The following FBXO34 variants were observed in gnomAD, a reference collection of about 807,000 sequenced individuals.
The protein encoded by FBXO34 is F-box only protein 34.
In FBXO34, 12 loss-of-function variants were observed where a neutral mutation model predicts 24.5. The ratio of observed to expected loss-of-function variants is 0.49; its 90% CI spans 0.31 to 0.79. The LOEUF (loss-of-function observed/expected upper bound fraction) is 0.79, where lower values mean the gene tolerates loss of function less well. Ranked by LOEUF, FBXO34 falls within the 30% of genes least tolerant of loss-of-function variation. The pLI, the probability that FBXO34 is intolerant of heterozygous loss-of-function variation, is 0.04. For missense variants in FBXO34, 823 were observed against 857.7 expected (o/e 0.96, Z 0.51); for synonymous variants, 320 against 311.9 (o/e 1.03, Z -0.27).
In FBXO34 at chr14:55,352,721, G is replaced by A; in HGVS notation, c.*195G>A. On this transcript the variant is annotated 3_prime_UTR_variant, in exon 2 of 2. Transcript: ENST00000313833. ...AAAATTGGTCTTGTTGTTTATAGTG[G>A]CATCTCATGTTTGAACCCGGGTGGT... 1.8e-6 allele frequency: 1 copy of A among 547,980 alleles called. No homozygotes were observed. The highest frequency in any genetic ancestry group is 3.2e-6 in the Non-Finnish European group (1 of 312,110). 33.9% of individuals were successfully genotyped at this position (547,980 alleles called of 1,614,324 possible).
chr14:55,346,954 C>A (rs1276138477), intron 1 of FBXO34, among the ~76,000 whole-genome samples: 1 of 152,168 alleles, frequency 6.6e-6, no homozygotes, highest in Non-Finnish European at 1.5e-5. Flanking sequence ...CCTACTCTTA[C>A]ATTAGATCTA....
At chr14:55,375,288 T>C in the FBXO34 span, among the ~76,000 whole-genome samples, 1 of 152,168 alleles carries the variant, frequency 6.6e-6, no homozygotes, top group Non-Finnish European at 1.5e-5. Context: ...TCCAAACTGG[T>C]TGTTGTTGGC....
intron 1 of FBXO34, among the ~76,000 whole-genome samples, chr14:55,333,722 C>T (rs200232765): frequency 2.1e-5 from 3 of 145,340 alleles, no homozygotes; most frequent in Non-Finnish European, 1.5e-5. Flanking sequence ...GCTGGGGTGG[C>T]TTTTTTTTTT....
intron 1 of FBXO34, among the ~76,000 whole-genome samples, chr14:55,310,865 GT>G (rs1882713534): frequency 6.6e-6 from 1 of 151,704 alleles, no homozygotes; most frequent in African/African-American, 2.4e-5. Context: ...ATGTGATAGC[GT>G]TTTCTTATCT....
At chr14:55,343,273 C>T (rs972831489) in intron 1 of FBXO34, among the ~76,000 whole-genome samples, 1 of 138,086 alleles carries the variant, frequency 7.2e-6, no homozygotes, top group Non-Finnish European at 1.5e-5. Flanking sequence ...TCTCCCAAGA[C>T]GGAGTCTTGC....
At chr14:55,369,353 C>A (rs570600886), downstream of FBXO34, 1 of 280,476 alleles carries the variant, frequency 3.6e-6, no homozygotes, top group Non-Finnish European at 6.6e-6. Flanking sequence ...ACTGGCCACA[C>A]GCACAGGTCC....
chr14:55,412,849 T>G, the FBXO34 span, among the ~76,000 whole-genome samples: 1 of 152,150 alleles, frequency 6.6e-6, no homozygotes, highest in Non-Finnish European at 1.5e-5. Context: ...GACTTCTGCC[T>G]CCCTACAAAC....
chr14:55,280,367 C>T lies in FBXO34; in HGVS notation c.-11+8830C>T, dbSNP rs180936365. ...GAAAAAAAATTACATCTGTATTGAA[C>T]GTGTACAGATTATTTTTTTCTTGTC... On this transcript the variant is annotated intron_variant, in intron 1 of 1. Transcript: ENST00000313833. 3.3e-5 allele frequency among the ~76,000 whole-genome samples: 5 copies of T among 152,088 alleles called. No homozygotes were observed. In the East Asian group the frequency reaches 7.7e-4, roughly 23 times the overall value.
chr14:55,399,222 T>G, the FBXO34 span, among the ~76,000 whole-genome samples: 9 of 152,150 alleles, frequency 5.9e-5, no homozygotes, highest in African/African-American at 2.2e-4. Context: ...ATAGGCAATA[T>G]TATATGTGAC....
intron 1 of FBXO34, among the ~76,000 whole-genome samples, chr14:55,304,575 AT>A (rs1566547718): frequency 6.6e-6 from 1 of 152,188 alleles, no homozygotes; most frequent in Non-Finnish European, 1.5e-5. Flanking sequence ...ATCTTAGCTC[AT>A]TGTAAGGTCA....
chr14:55,430,808 C>T, the FBXO34 span, among the ~76,000 whole-genome samples: 1 of 152,240 alleles, frequency 6.6e-6, no homozygotes, highest in Non-Finnish European at 1.5e-5. Context: ...GCCATGTCCC[C>T]AGGTTAGCAG....
the FBXO34 span, chr14:55,440,393 C>G: frequency 3.1e-6 from 5 of 1,613,046 alleles, no homozygotes; most frequent in South Asian, 1.1e-5. Context: ...GCGGCAGCCT[C>G]ACCTGAGCGG....
At chr14:55,323,369 C>T (rs1409394386) in intron 1 of FBXO34, among the ~76,000 whole-genome samples, 1 of 137,246 alleles carries the variant, frequency 7.3e-6, no homozygotes, top group African/African-American at 2.7e-5. Context: ...CTGACCTGGC[C>T]CCCCTTTAAA....
chr14:55,333,805 G>A (rs985105890), intron 1 of FBXO34, among the ~76,000 whole-genome samples: 3 of 151,412 alleles, frequency 2.0e-5, no homozygotes, highest in Admixed American at 2.0e-4. Flanking sequence ...AGACTTTATA[G>A]TGTTTCTTGT....
rs200464802 is a variant in FBXO34 at position 55,311,680 on chromosome 14, TG to T, written c.-10-38700del. On this transcript the variant is annotated intron_variant, in intron 1 of 1. Coordinates refer to ENST00000313833, the MANE Select transcript of FBXO34 (RefSeq NM_017943.4). The stretch of plus-strand genomic sequence containing the variant: ...CCAAACAAAGGGCCTGCAGGTCCCA[TG>T]TAAGTCCAAAATCTGGCTGGGCAGT... Among the ~76,000 whole-genome samples the T allele has an allele frequency of 7.3e-3, 1,110 of 152,266 alleles. 4 individuals are homozygous for T. Among genetic ancestry groups the T allele is most frequent in the Non-Finnish European group, 0.011 (739 of 68,014 alleles).
chr14:55,400,996 G>T, the FBXO34 span, among the ~76,000 whole-genome samples: 2 of 151,694 alleles, frequency 1.3e-5, no homozygotes, highest in Non-Finnish European at 2.9e-5. Flanking sequence ...GCAAAATTGT[G>T]GGCAATCCTC....
At chr14:55,342,941 ATCTAAT>A (rs1434861337) in intron 1 of FBXO34, among the ~76,000 whole-genome samples, 1 of 152,202 alleles carries the variant, frequency 6.6e-6, no homozygotes, top group African/African-American at 2.4e-5. Context: ...TGTATTTCCT[ATCTAAT>A]TCTAATCTTA....
At chr14:55,386,125 T>C in the FBXO34 span, 6 of 1,571,658 alleles carry the variant, frequency 3.8e-6, no homozygotes, top group African/African-American at 8.2e-5. Flanking sequence ...ACCCAACAAT[T>C]ATCTCTGCAA....
the FBXO34 span, among the ~76,000 whole-genome samples, chr14:55,407,625 TCTGCTACCTGCTGCTGCTGGG>T: frequency 2.3e-3 from 355 of 152,326 alleles, 2 homozygotes; most frequent in Admixed American, 5.6e-3. Flanking sequence ...ATGCCTAAGT[TCTGCTACCTGCTGCTGCTGGG>T]CTGGTGATCT....
Sources: allele counts gnomAD v4.1 joint callset (sites outside exome capture counted in the v4.1 genomes callset), GRCh38; gene constraint gnomAD v4.1.1; transcripts MANE v1.5; gene names NCBI Gene and HGNC (gene_info 2026-07-23, HGNC 2026-07-21).